Variants in RBSN observed in about 807,000 individuals in gnomAD.
RBSN encodes the protein rabenosyn, RAB effector.
RBSN carries 34 observed loss-of-function variants against 60.5 expected under a neutral mutation model. That is an observed-to-expected ratio of 0.56 (90% CI 0.43 to 0.75). RBSN has a LOEUF of 0.75. Among genes scored for constraint, RBSN ranks in the 30% least tolerant of loss-of-function variants. The pLI is 0.00. For missense variants in RBSN, 845 were observed against 986.8 expected (o/e 0.86, Z 1.92); for synonymous variants, 322 against 366.9 (o/e 0.88, Z 1.40).
At position 15,096,717 on chromosome 3, in the gene RBSN, T is replaced by C. The variant is rs1030968286; in HGVS notation, c.-344-7A>G. On this transcript the variant is annotated splice_region_variant and splice_polypyrimidine_tract_variant and intron_variant, in intron 2 of 13. Transcript: ENST00000253699. Reference sequence around the variant, plus strand: ...CTTGATACTTGTAAGACACCTGTGTTAGAAATGCAAAGATGAAAAAGATAT... The same window carrying C: ...CTTGATACTTGTAAGACACCTGTGTCAGAAATGCAAAGATGAAAAAGATAT... 2.6e-5 allele frequency: 4 copies of C among 152,156 alleles called. No homozygotes were observed. The highest frequency in any genetic ancestry group is 9.7e-5 in the African/African-American group (4 of 41,430). 9.4% of individuals were successfully genotyped at this position (152,156 alleles called of 1,614,324 possible).
intron 4 of RBSN, 86 bp from the exon 5 acceptor site, chr3:15,090,625 C>T (rs890038031): frequency 2.1e-5 from 32 of 1,522,626 alleles, no homozygotes; most frequent in Middle Eastern, 3.5e-4. Context: ...CAAGAGTTGA[C>T]GAAATAATTA....
Position 15,090,517 on chromosome 3 carries a change from T to C in RBSN, c.171A>G (p.Lys57=), listed in dbSNP as rs1346869534. 3 of 1,613,988 alleles carry C rather than the reference T, an allele frequency of 1.9e-6. No homozygotes were observed. The highest frequency in any genetic ancestry group is 2.5e-6 in the Non-Finnish European group (3 of 1,179,984). ...CTCGTTTCAACAACCTGTCCTTTGC[T>C]TTTTTAGCCTTCTGGACAAGACCTT... ...QIKSLVQKAK[K]AKDRLLKREG... is the part of the protein sequence containing the mutation. The change falls in exon 5 of 14, where the codon AAA becomes AAG. Residue 57 remains lysine (K), a synonymous_variant. Transcript: ENST00000253699.
In RBSN at chr3:15,084,634, A is replaced by G. The variant is rs1013147581; in HGVS notation, c.598+101T>C. 1.4e-6 allele frequency: 2 copies of G among 1,412,026 alleles called. No homozygotes were observed. Among genetic ancestry groups the G allele is most frequent in the Non-Finnish European group, 1.9e-6 (2 of 1,044,334 alleles). 87.5% of individuals were successfully genotyped at this position (1,412,026 alleles called of 1,614,324 possible). A position where few individuals can be genotyped will look rare whatever the true frequency, so the allele number is the denominator to read the frequency against. ...CAATGAATGAAGATTCCCATGAGCC[A>G]TTAATTTAACAAAAAGGTTCCACGA... On this transcript the variant is annotated intron_variant, in intron 8 of 13. Coordinates refer to ENST00000253699, the MANE Select transcript of RBSN (RefSeq NM_022340.4). This position sits in a 1 kb window ranked among gnomAD's most constrained non-coding sequence, Gnocchi z 4.2.
At chr3:15,092,313 T>C (rs1211448024) in intron 4 of RBSN, among the ~76,000 whole-genome samples, 1 of 152,174 alleles carries the variant, frequency 6.6e-6, no homozygotes, top group African/African-American at 2.4e-5. Flanking sequence ...TTCCTGATTA[T>C]TGGTCACTGT....
Position 15,074,072 on chromosome 3 carries a change from G to A in RBSN, c.2065C>T (p.Pro689Ser), listed in dbSNP as rs2042984486. ...GGATGTTCGTCTTCCTCACTGAAGG[G>A]GTTAGGAGCTGGGCTGTCTGGCTGA... The part of the protein sequence containing the change: ...FIQPDSPAPN[P>S]FSEEDEHPQQ... Residue 689 changes from proline to serine, a missense_variant, in exon 14 of 14, where the codon CCC becomes TCC. By Grantham distance (74) the Pro-to-Ser change is moderately conservative (BLOSUM62 -1). Coordinates refer to ENST00000253699, the MANE Select transcript of RBSN (RefSeq NM_022340.4). The surrounding 1 kb of genome is among the most constrained non-coding windows in gnomAD (Gnocchi z 6.4). 5.6e-6 allele frequency: 9 copies of A among 1,613,906 alleles called. No homozygotes were observed. The highest frequency in any genetic ancestry group is 7.6e-6 in the Non-Finnish European group (9 of 1,180,016).
intron 2 of RBSN, among the ~76,000 whole-genome samples, chr3:15,097,626 C>A (rs1559356423): frequency 6.6e-6 from 1 of 152,128 alleles, no homozygotes; most frequent in Non-Finnish European, 1.5e-5. Context: ...AAAGTCACTT[C>A]CAATGTCACC....
At chr3:15,078,779 C>CATATATATATATATATAT (rs57572763) in intron 10 of RBSN, among the ~76,000 whole-genome samples, 1 of 50,694 alleles carries the variant, frequency 2.0e-5, no homozygotes, top group Non-Finnish European at 3.5e-5. Flanking sequence ...AAAAAAAATA[C>CATATATATATATATATAT]ATATATATAT....
intron 4 of RBSN, chr3:15,091,534 G>GA (rs749030394): frequency 6.5e-5 from 82 of 1,269,886 alleles, no homozygotes; most frequent in Non-Finnish European, 8.1e-5. Flanking sequence ...GGTAAGAAGA[G>GA]AAAATGAACA....
rs1241785719 is a variant in RBSN, at chr3:15,082,843, A to G, written c.599-235T>C. ...CCCTTTCCACCTGCCACTCTCCTGC[A>G]TTTGCCCTGTGCCTCCAACACAACA... is the stretch of plus-strand genomic sequence containing the variant. On this transcript the variant is annotated intron_variant, in intron 8 of 13. Transcript: ENST00000253699. The surrounding 1 kb of genome is among the most constrained non-coding windows in gnomAD (Gnocchi z 4.2). 1.3e-5 allele frequency among the ~76,000 whole-genome samples: 2 copies of G among 152,076 alleles called. No individual in the cohort carries two copies. The highest frequency in any genetic ancestry group is 2.9e-5 in the Non-Finnish European group (2 of 68,014).
chr3:15,076,951 T>A (rs935741977), intron 12 of RBSN, 111 bp downstream of exon 12: 12 of 831,828 alleles, frequency 1.4e-5, no homozygotes, highest in Admixed American at 2.6e-5. Flanking sequence ...CAAAAAATAA[T>A]AAATGTATAA....
Position 15,074,062 on chromosome 3 carries a change from T to A in RBSN, c.2075A>T (p.Glu692Val), listed in dbSNP as rs2042984084. ...CCTCTGCTGGGGATGTTCGTCTTCC[T>A]CACTGAAGGGGTTAGGAGCTGGGCT... ...PDSPAPNPFS[E>V]EDEHPQQRLS... Residue 692 changes from glutamate to valine, a missense_variant, in exon 14 of 14, where the codon GAG becomes GTG. Transcript: ENST00000253699. This position sits in a 1 kb window ranked among gnomAD's most constrained non-coding sequence, Gnocchi z 6.4. 2 of 1,613,930 alleles carry A rather than the reference T, an allele frequency of 1.2e-6. No individual in the cohort carries two copies. Among genetic ancestry groups the A allele is most frequent in the Admixed American group, 1.7e-5 (1 of 59,974 alleles).
chr3:15,087,419 G>A (rs2043373812), intron 5 of RBSN, among the ~76,000 whole-genome samples: 1 of 152,144 alleles, frequency 6.6e-6, no homozygotes, highest in South Asian at 2.1e-4. Flanking sequence ...GGTGGCTGAG[G>A]CACAAGAATT....
At chr3:15,081,625 C>G (rs939632270) in intron 9 of RBSN, 1 of 152,426 alleles carries the variant, frequency 6.6e-6, no homozygotes, top group Non-Finnish European at 1.5e-5. Context: ...GAACTACTAA[C>G]AATGACTATT....
chr3:15,093,545 C>T (rs1340452160), intron 4 of RBSN, among the ~76,000 whole-genome samples: 1 of 152,112 alleles, frequency 6.6e-6, no homozygotes, highest in Non-Finnish European at 1.5e-5. Flanking sequence ...GTGCGTGCCA[C>T]TATGACTGGC....
chr3:15,084,285 A>C lies in RBSN; in HGVS notation c.598+450T>G, dbSNP rs1227743887. Among the ~76,000 whole-genome samples, 1 of 151,976 alleles carries C rather than the reference A, an allele frequency of 6.6e-6. No individual in the cohort carries two copies. The highest frequency in any genetic ancestry group is 2.4e-5 in the African/African-American group (1 of 41,380). On this transcript the variant is annotated intron_variant, in intron 8 of 13. Coordinates refer to ENST00000253699, the MANE Select transcript of RBSN (RefSeq NM_022340.4). This position sits in a 1 kb window ranked among gnomAD's most constrained non-coding sequence, Gnocchi z 4.2. ...AGGCACATGCCACCACGCCAGGCTAATTTTTGTATTTTTATAGAGACAGGG... is the reference window on the plus strand; with the variant it reads ...AGGCACATGCCACCACGCCAGGCTACTTTTTGTATTTTTATAGAGACAGGG...
chr3:15,074,296 C>CACA lies in RBSN; in HGVS notation c.1840_1841insTGT (p.Ser614delinsMetCys). On this transcript the variant is annotated protein_altering_variant, in exon 14 of 14. Transcript: ENST00000253699. This position sits in a 1 kb window ranked among gnomAD's most constrained non-coding sequence, Gnocchi z 6.4. ...CCCCTCATGTTGCTGTGGCATGCTG[C>CACA]TCTGGGGTAAGCGCTCCTGGCCAAC... 1 of 1,614,006 alleles carries CACA rather than the reference C, an allele frequency of 6.2e-7. No individual in the cohort carries two copies. The highest frequency in any genetic ancestry group is 1.1e-5 in the South Asian group (1 of 91,080).
intron 8 of RBSN, among the ~76,000 whole-genome samples, chr3:15,083,371 C>T (rs1241781779): frequency 6.6e-6 from 1 of 152,144 alleles, no homozygotes; most frequent in African/African-American, 2.4e-5. Flanking sequence ...CACCCCATGG[C>T]CAACAGTGTG....
intron 2 of RBSN, 94 bp downstream of exon 2, chr3:15,098,025 A>G (rs1022771552): frequency 1.3e-5 from 2 of 152,424 alleles, no homozygotes; most frequent in African/African-American, 4.8e-5. Context: ...ACGACCACAA[A>G]TAACACAAAG....
Position 15,077,998 on chromosome 3 carries a change from G to T in RBSN, c.998+77C>A. On this transcript the variant is annotated intron_variant, in intron 11 of 13. Coordinates refer to ENST00000253699, the MANE Select transcript of RBSN (RefSeq NM_022340.4). This position sits in a 1 kb window ranked among gnomAD's most constrained non-coding sequence, Gnocchi z 4.4. Reference sequence around the variant, plus strand: ...TCACCAGAAGTCTGAGTGAGTGCAGGTCTGCTTTCGCCATTTCATTAGAAC... The same window carrying T: ...TCACCAGAAGTCTGAGTGAGTGCAGTTCTGCTTTCGCCATTTCATTAGAAC... 7.8e-7 allele frequency: 1 copy of T among 1,289,188 alleles called. No homozygotes were observed. The highest frequency in any genetic ancestry group is 1.1e-6 in the Non-Finnish European group (1 of 889,628). 79.9% of individuals were successfully genotyped at this position (1,289,188 alleles called of 1,614,324 possible).
Sources: gnomAD v4.1 joint callset for allele counts (sites outside exome capture counted in the v4.1 genomes callset) on GRCh38, gnomAD v4.1.1 for gene constraint, Gnocchi (gnomAD v3.1) non-coding constraint, MANE v1.5 for transcripts, NCBI Gene and HGNC (gene_info 2026-07-23, HGNC 2026-07-21) for gene names.